SCHIP1: variants seen among roughly 807,000 people sequenced by gnomAD.
The protein encoded by SCHIP1 is schwannomin-interacting protein 1.
SCHIP1 carries 8 observed loss-of-function variants against 29.7 expected under a neutral mutation model. The observed-to-expected ratio is 0.27, with a 90% CI of 0.16 to 0.49. The LOEUF is 0.49. Among genes scored for constraint, SCHIP1 ranks in the 20% least tolerant of loss-of-function variants. SCHIP1 has a pLI of 0.99. For synonymous variants in SCHIP1, 76 were observed against 94.9 expected (o/e 0.80, Z 1.16); for missense variants, 193 against 294.6 (o/e 0.66, Z 2.52).
intron 2 of SCHIP1, among the ~76,000 whole-genome samples, chr3:159,884,097 A>G (rs1716720289): frequency 1.3e-5 from 2 of 152,326 alleles, no homozygotes; most frequent in Admixed American, 6.5e-5. Context: ...ACTTTATTCA[A>G]TAAATAGAAA....
At chr3:159,771,216 T>G in the SCHIP1 span, among the ~76,000 whole-genome samples, 3 of 152,270 alleles carry the variant, frequency 2.0e-5, no homozygotes, top group Non-Finnish European at 4.4e-5. Flanking sequence ...TTCTTCCCCA[T>G]CAATGACACA....
chr3:159,612,501 T>C, the SCHIP1 span, among the ~76,000 whole-genome samples: 1 of 152,176 alleles, frequency 6.6e-6, no homozygotes, highest in Admixed American at 6.5e-5. Context: ...AATCTCAGCA[T>C]TTTGCGAGGC....
At chr3:159,328,091 T>C in the SCHIP1 span, among the ~76,000 whole-genome samples, 1 of 152,148 alleles carries the variant, frequency 6.6e-6, no homozygotes, top group Non-Finnish European at 1.5e-5. Flanking sequence ...TCCAACATAG[T>C]AGTCATTAGC....
chr3:159,887,725 C>G, exon 4 of SCHIP1: 3 of 1,613,966 alleles, frequency 1.9e-6, no homozygotes, highest in Non-Finnish European at 2.5e-6. Context: ...AGAGTTCTTC[C>G]TATTCTGATA....
At chr3:159,578,820 T>C in the SCHIP1 span, among the ~76,000 whole-genome samples, 4 of 152,204 alleles carry the variant, frequency 2.6e-5, no homozygotes, top group Admixed American at 2.6e-4. Context: ...CTTCCTCTTA[T>C]AAGAACCCTA....
At chr3:159,840,510 A>G (rs1177855588) in intron 1 of SCHIP1, among the ~76,000 whole-genome samples, 3 of 152,230 alleles carry the variant, frequency 2.0e-5, no homozygotes, top group Admixed American at 6.5e-5. Flanking sequence ...TTTGAATTTA[A>G]GGGAATTTCA....
intron 1 of SCHIP1, among the ~76,000 whole-genome samples, chr3:159,854,296 T>C (rs1332657964): frequency 1.3e-5 from 2 of 152,228 alleles, no homozygotes; most frequent in Non-Finnish European, 2.9e-5. Context: ...TTCCCAGGAA[T>C]GACATATAGA....
chr3:159,494,486 A>G, the SCHIP1 span, among the ~76,000 whole-genome samples: 1 of 152,364 alleles, frequency 6.6e-6, no homozygotes, highest in African/African-American at 2.4e-5. Flanking sequence ...CTCTACGCAA[A>G]TAAACTAGAA....
At chr3:159,364,819 C>T in the SCHIP1 span, among the ~76,000 whole-genome samples, 1 of 152,146 alleles carries the variant, frequency 6.6e-6, no homozygotes, top group Admixed American at 6.5e-5. Flanking sequence ...TGGCCCTTTC[C>T]CTTCAGGATG....
chr3:159,706,488 A>G, the SCHIP1 span, among the ~76,000 whole-genome samples: 7 of 152,350 alleles, frequency 4.6e-5, no homozygotes, highest in South Asian at 2.1e-4. Context: ...GTGAGATTAA[A>G]TTAGCAGAAT....
the SCHIP1 span, among the ~76,000 whole-genome samples, chr3:159,276,477 T>C: frequency 6.6e-6 from 1 of 152,184 alleles, no homozygotes; most frequent in Non-Finnish European, 1.5e-5. Flanking sequence ...TATAGATTGA[T>C]GATTCATCAT....
chr3:159,535,658 T>C, the SCHIP1 span, among the ~76,000 whole-genome samples: 1 of 152,222 alleles, frequency 6.6e-6, no homozygotes, highest in Non-Finnish European at 1.5e-5. Flanking sequence ...GATTGTAGAC[T>C]CTTAGGAAAA....
At chr3:159,885,079 C>A (rs901041593) in intron 2 of SCHIP1, among the ~76,000 whole-genome samples, 6 of 152,140 alleles carry the variant, frequency 3.9e-5, no homozygotes, top group South Asian at 2.1e-4. Flanking sequence ...ATAAAAGAAT[C>A]ACTTTAAATG....
At chr3:159,608,006 G>C in the SCHIP1 span, among the ~76,000 whole-genome samples, 1 of 152,152 alleles carries the variant, frequency 6.6e-6, no homozygotes, top group Non-Finnish European at 1.5e-5. Context: ...GGAGCTGTGA[G>C]GGACCAAGAG....
the SCHIP1 span, among the ~76,000 whole-genome samples, chr3:159,395,321 C>T: frequency 1.3e-5 from 2 of 152,116 alleles, no homozygotes; most frequent in Non-Finnish European, 2.9e-5. Context: ...CTATTTCCTT[C>T]AGTTCTGCTC....
At chr3:159,661,212 C>T in the SCHIP1 span, among the ~76,000 whole-genome samples, 6 of 152,276 alleles carry the variant, frequency 3.9e-5, no homozygotes, top group Non-Finnish European at 5.9e-5. Context: ...CAACTCCTTT[C>T]TGTGAAGATT....
chr3:159,852,746 A>G (rs1249424673), intron 1 of SCHIP1, among the ~76,000 whole-genome samples: 1 of 152,178 alleles, frequency 6.6e-6, no homozygotes, highest in Non-Finnish European at 1.5e-5. Flanking sequence ...CTACCAGATG[A>G]GACTTTTACA....
chr3:159,379,863 G>A, the SCHIP1 span, among the ~76,000 whole-genome samples: 4 of 152,156 alleles, frequency 2.6e-5, no homozygotes, highest in East Asian at 1.9e-4. Context: ...AGAGAGGTCC[G>A]TGTTCTCGCC....
At chr3:159,679,213 G>GGCTT in the SCHIP1 span, among the ~76,000 whole-genome samples, 1 of 151,958 alleles carries the variant, frequency 6.6e-6, no homozygotes, top group Non-Finnish European at 1.5e-5. Flanking sequence ...ATTTAGAGAG[G>GGCTT]GCTTGTTGTC....
Sources: allele counts gnomAD v4.1 joint callset (sites outside exome capture counted in the v4.1 genomes callset), GRCh38; gene constraint gnomAD v4.1.1; transcripts MANE v1.5; gene names NCBI Gene and HGNC (gene_info 2026-07-23, HGNC 2026-07-21).